Variants in OTUD7A observed in about 807,000 individuals in gnomAD.
OTUD7A encodes the protein OTU domain-containing protein 7A.
In OTUD7A, 12 loss-of-function variants were observed where a neutral mutation model predicts 65.7. The observed-to-expected ratio is 0.18, with a 90% CI of 0.12 to 0.30. OTUD7A has a LOEUF of 0.30. Ranked by LOEUF, OTUD7A falls within the 10% of genes least tolerant of loss-of-function variation. The pLI, the probability that OTUD7A is intolerant of heterozygous loss-of-function variation, is 1.00. For synonymous variants in OTUD7A, 641 were observed against 586.3 expected (o/e 1.09, Z -1.35); for missense variants, 1,148 against 1,304.8 (o/e 0.88, Z 1.85).
chr15:31,743,013 T>C (rs1894384291), intron 1 of OTUD7A, among the ~76,000 whole-genome samples: 1 of 152,116 alleles, frequency 6.6e-6, no homozygotes, highest in African/African-American at 2.4e-5. Flanking sequence ...TAGTGGATGA[T>C]TTTGATGTCT....
intron 1 of OTUD7A, among the ~76,000 whole-genome samples, chr15:31,850,999 G>A (rs1897411329): frequency 6.6e-6 from 1 of 152,120 alleles, no homozygotes; most frequent in African/African-American, 2.4e-5. Context: ...ACCAAGCTCA[G>A]GTAATAAATG....
At chr15:31,488,467 G>C (rs1034394041) in intron 10 of OTUD7A, among the ~76,000 whole-genome samples, 1 of 152,202 alleles carries the variant, frequency 6.6e-6, no homozygotes, top group Non-Finnish European at 1.5e-5. Flanking sequence ...CAAGGGCATT[G>C]TCAGGGACAA....
chr15:31,840,066 C>G (rs1030626697), intron 1 of OTUD7A, among the ~76,000 whole-genome samples: 1 of 151,722 alleles, frequency 6.6e-6, no homozygotes, highest in African/African-American at 2.4e-5. Context: ...ACTAGCAATC[C>G]CCATTAAAAT....
chr15:31,786,177 T>C (rs1010500217), intron 1 of OTUD7A, among the ~76,000 whole-genome samples: 1 of 152,184 alleles, frequency 6.6e-6, no homozygotes, highest in African/African-American at 2.4e-5. Flanking sequence ...CTCTTCAACC[T>C]TGGACTTCTC....
chr15:31,822,526 CTG>C (rs1475338276), intron 1 of OTUD7A, among the ~76,000 whole-genome samples: 4 of 152,360 alleles, frequency 2.6e-5, no homozygotes, highest in African/African-American at 9.6e-5. Context: ...TGTGGAGGGA[CTG>C]TGATTCCCCA....
chr15:31,757,867 T>G lies in OTUD7A; in HGVS notation c.-99-100790A>C, dbSNP rs118128909. Among the ~76,000 whole-genome samples the G allele has an allele frequency of 8.5e-5, 13 of 152,326 alleles. No individual in the cohort carries two copies. The East Asian group carries it at 2.5e-3, about 29-fold the overall frequency. ...TTCCACAAAAATTAATAGGAGGATGTGAAGAGGCTTTCACAAATGAGGTTG... is the reference window on the plus strand; with the variant it reads ...TTCCACAAAAATTAATAGGAGGATGGGAAGAGGCTTTCACAAATGAGGTTG... On this transcript the variant is annotated intron_variant, in intron 1 of 12. Coordinates refer to ENST00000307050, the MANE Select transcript of OTUD7A (RefSeq NM_001382637.1).
rs546386139 is a variant in OTUD7A, at chr15:31,631,282, T to C, written c.151+23814A>G. Among the ~76,000 whole-genome samples, 127 of 152,352 alleles carry C rather than the reference T, an allele frequency of 8.3e-4. 1 individual carries two copies. The South Asian group carries it at 0.025, about 30-fold the overall frequency. ...TTTAAGAGCTCTTTTAGGGCAGACC[T>C]GGTGGTGACAAAATCTCTCAGCATT... On this transcript the variant is annotated intron_variant, in intron 3 of 12. Transcript: ENST00000307050.
intron 1 of OTUD7A, among the ~76,000 whole-genome samples, chr15:31,775,600 ACT>A (rs1331927429): frequency 3.3e-5 from 5 of 152,032 alleles, no homozygotes; most frequent in Admixed American, 1.3e-4. Context: ...GGAGGAAAAT[ACT>A]CTTTGAAGCT....
chr15:31,722,659 G>A (rs1893773288), intron 1 of OTUD7A, among the ~76,000 whole-genome samples: 1 of 152,244 alleles, frequency 6.6e-6, no homozygotes, highest in Non-Finnish European at 1.5e-5. Flanking sequence ...AGTGACCAGA[G>A]CCAGCAGAGT....
At chr15:31,627,966 G>C (rs564762954) in intron 3 of OTUD7A, among the ~76,000 whole-genome samples, 2 of 151,796 alleles carry the variant, frequency 1.3e-5, no homozygotes, top group Non-Finnish European at 2.9e-5. Context: ...AAATTTGTTT[G>C]AGTTCATTGT....
At chr15:31,815,717 G>A (rs1419627351) in intron 1 of OTUD7A, among the ~76,000 whole-genome samples, 1 of 152,242 alleles carries the variant, frequency 6.6e-6, no homozygotes, top group Non-Finnish European at 1.5e-5. Context: ...CCCACCACGG[G>A]CCATCTTCCT....
intron 1 of OTUD7A, among the ~76,000 whole-genome samples, chr15:31,868,948 A>C (rs1281055535): frequency 6.6e-6 from 1 of 152,234 alleles, no homozygotes; most frequent in East Asian, 1.9e-4. Flanking sequence ...TTACAGATCC[A>C]ATAAAATCAC....
chr15:31,530,849 G>A (rs1187594878), intron 5 of OTUD7A, 41 bp from the exon 6 acceptor site: 2 of 1,568,754 alleles, frequency 1.3e-6, no homozygotes, highest in East Asian at 2.3e-5. Flanking sequence ...CCCAGAAAAG[G>A]AAGGGGCCAC....
intron 1 of OTUD7A, among the ~76,000 whole-genome samples, chr15:31,725,014 T>C (rs1462083511): frequency 1.3e-5 from 2 of 151,820 alleles, no homozygotes; most frequent in South Asian, 2.1e-4. Flanking sequence ...GGGCTGTGAG[T>C]GATTGCGGGG....
intron 1 of OTUD7A, among the ~76,000 whole-genome samples, chr15:31,683,458 T>C (rs1446436384): frequency 6.6e-6 from 1 of 152,296 alleles, no homozygotes; most frequent in African/African-American, 2.4e-5. Flanking sequence ...TACAAATCCA[T>C]GCAGGTATTC....
intron 1 of OTUD7A, among the ~76,000 whole-genome samples, chr15:31,810,931 T>C (rs566497439): frequency 2.3e-4 from 35 of 152,134 alleles, no homozygotes; most frequent in Non-Finnish European, 4.6e-4. Flanking sequence ...TACTCTCTGA[T>C]GAGAAAGTCC....
At chr15:31,634,305 C>T (rs1347527295) in intron 3 of OTUD7A, among the ~76,000 whole-genome samples, 1 of 152,240 alleles carries the variant, frequency 6.6e-6, no homozygotes, top group Non-Finnish European at 1.5e-5. Flanking sequence ...CCCCCTCTCT[C>T]TGCCACTGCT....
intron 8 of OTUD7A, among the ~76,000 whole-genome samples, chr15:31,519,267 A>G (rs2041906725): frequency 6.6e-6 from 1 of 152,230 alleles, no homozygotes; most frequent in African/African-American, 2.4e-5. Flanking sequence ...AGATGATCAT[A>G]TGGTTTTTGT....
chr15:31,579,795 A>G (rs909220647), intron 3 of OTUD7A, among the ~76,000 whole-genome samples: 2 of 152,224 alleles, frequency 1.3e-5, no homozygotes, highest in African/African-American at 4.8e-5. Context: ...CTCTCTCTAG[A>G]TAGTATATAT....
Sources: allele counts gnomAD v4.1 joint callset (sites outside exome capture counted in the v4.1 genomes callset), GRCh38; gene constraint gnomAD v4.1.1; transcripts MANE v1.5; gene names NCBI Gene and HGNC (gene_info 2026-07-23, HGNC 2026-07-21).